Variants in PLEKHG1 observed in about 807,000 individuals in gnomAD.
PLEKHG1 encodes pleckstrin homology and RhoGEF domain containing G1, also known as pleckstrin homology domain-containing family G member 1.
A neutral mutation model predicts 100.8 loss-of-function variants in PLEKHG1; 44 were observed. The observed-to-expected ratio is 0.44, with a 90% CI of 0.34 to 0.56. The LOEUF (loss-of-function observed/expected upper bound fraction) is 0.56, where lower values mean the gene tolerates loss of function less well. Among genes scored for constraint, PLEKHG1 ranks in the 20% least tolerant of loss-of-function variants. The pLI, the probability that PLEKHG1 is intolerant of heterozygous loss-of-function variation, is 0.01. For synonymous variants in PLEKHG1, 640 were observed against 662.5 expected (o/e 0.97, Z 0.52); for missense variants, 1,545 against 1,720.9 (o/e 0.90, Z 1.81).
chr6:150,662,393 A>G (rs185959285), intron 3 of PLEKHG1: 1 of 152,330 alleles, frequency 6.6e-6, no homozygotes, highest in Admixed American at 6.5e-5. Flanking sequence ...GTGTTTTGGA[A>G]CAAGCTCCAT....
chr6:150,730,700 C>T (rs188855823), intron 1 of PLEKHG1, among the ~76,000 whole-genome samples: 1,566 of 152,088 alleles, frequency 0.01, 31 homozygotes, highest in African/African-American at 0.035. Context: ...GTCAGGAGTT[C>T]GAGACCAGCC....
intron 5 of PLEKHG1, among the ~76,000 whole-genome samples, chr6:150,798,456 T>C (rs1786487839): frequency 6.6e-6 from 1 of 152,198 alleles, no homozygotes; most frequent in African/African-American, 2.4e-5. Flanking sequence ...AACAGCTTCT[T>C]TATATGGCAG....
chr6:150,626,890 C>T (rs1303532841), intron 1 of PLEKHG1, among the ~76,000 whole-genome samples: 2 of 152,096 alleles, frequency 1.3e-5, no homozygotes, highest in Non-Finnish European at 2.9e-5. Flanking sequence ...AAACTATAAC[C>T]TGAAGTTAAA....
At chr6:150,755,126 G>A (rs1024645358) in intron 2 of PLEKHG1, among the ~76,000 whole-genome samples, 4 of 152,068 alleles carry the variant, frequency 2.6e-5, no homozygotes, top group Non-Finnish European at 5.9e-5. Context: ...CAGATACATG[G>A]CACCACGCCT....
chr6:150,607,713 T>C (rs1002537478), intron 1 of PLEKHG1, among the ~76,000 whole-genome samples: 1 of 152,212 alleles, frequency 6.6e-6, no homozygotes, highest in Non-Finnish European at 1.5e-5. Context: ...AAGCGTTTCC[T>C]TACATTATGC....
chr6:150,722,077 T>C (rs1781706137), intron 1 of PLEKHG1, among the ~76,000 whole-genome samples: 1 of 152,108 alleles, frequency 6.6e-6, no homozygotes, highest in Admixed American at 6.5e-5. Context: ...AAACCGATGT[T>C]AACATTTTAT....
chr6:150,629,079 G>A (rs1352976), intron 1 of PLEKHG1, among the ~76,000 whole-genome samples: 83,025 of 152,026 alleles, frequency 0.55, 24,063 homozygotes, highest in Admixed American at 0.69. Flanking sequence ...GGTAGGATTC[G>A]CCAGCAGCAG....
chr6:150,732,798 G>T (rs115947219), intron 1 of PLEKHG1, among the ~76,000 whole-genome samples: 1 of 152,136 alleles, frequency 6.6e-6, no homozygotes, highest in Non-Finnish European at 1.5e-5. Context: ...TGTTGGCCAG[G>T]CTTGTCTCAA....
Position 150,831,081 on chromosome 6 carries a change from T to G in PLEKHG1, c.1970T>G (p.Ile657Arg), listed in dbSNP as rs1429149094. 6.2e-7 allele frequency: 1 copy of G among 1,614,080 alleles called. No individual in the cohort carries two copies. Among genetic ancestry groups the G allele is most frequent in the Non-Finnish European group, 8.5e-7 (1 of 1,179,994 alleles). ...TCCATAGAGTTGACTATTGATGACA[T>G]AGACCATGTCTATGATAACATCAGT... The change falls in exon 15 of 16, where the codon ATA becomes AGA. Residue 657 changes from isoleucine (I) to arginine (R), a missense_variant. Coordinates refer to ENST00000358517, the Ensembl canonical transcript of PLEKHG1. This position sits in a 1 kb window ranked among gnomAD's most constrained non-coding sequence, Gnocchi z 4.1.
At chr6:150,623,842 A>T (rs1366054148) in intron 1 of PLEKHG1, among the ~76,000 whole-genome samples, 2 of 152,184 alleles carry the variant, frequency 1.3e-5, no homozygotes, top group African/African-American at 4.8e-5. Flanking sequence ...GTCACTGTGC[A>T]TGTGTATGTA....
At chr6:150,722,301 C>T (rs1583002954) in intron 1 of PLEKHG1, among the ~76,000 whole-genome samples, 1 of 149,254 alleles carries the variant, frequency 6.7e-6, no homozygotes, top group South Asian at 2.1e-4. Flanking sequence ...ATCTCTGTTA[C>T]TAGTCACTTT....
At chr6:150,739,531 G>A (rs772699516) in intron 2 of PLEKHG1, among the ~76,000 whole-genome samples, 5 of 152,036 alleles carry the variant, frequency 3.3e-5, no homozygotes, top group Non-Finnish European at 4.4e-5. Flanking sequence ...AGCTGGGTAT[G>A]GTGGTGCATG....
At chr6:150,673,884 CA>C (rs1269991855) in intron 3 of PLEKHG1, among the ~76,000 whole-genome samples, 1 of 152,130 alleles carries the variant, frequency 6.6e-6, no homozygotes. Context: ...GGGCTGGTCT[CA>C]AACTCCTGGG....
chr6:150,808,468 G>A (rs1420447404), intron 7 of PLEKHG1, among the ~76,000 whole-genome samples: 4 of 152,036 alleles, frequency 2.6e-5, no homozygotes, highest in Non-Finnish European at 4.4e-5. Context: ...CAAGGGAAGG[G>A]GCCGGGTGCG....
At chr6:150,692,971 T>C (rs1223135568) in intron 3 of PLEKHG1, among the ~76,000 whole-genome samples, 1 of 152,180 alleles carries the variant, frequency 6.6e-6, no homozygotes, top group Non-Finnish European at 1.5e-5. Flanking sequence ...TCCATATGGC[T>C]GAAGTTCCAG....
At chr6:150,818,356 C>G in intron 11 of PLEKHG1, 140 bp downstream of exon 12, 1 of 681,752 alleles carries the variant, frequency 1.5e-6, no homozygotes, top group Non-Finnish European at 2.6e-6. Flanking sequence ...ATTGGGTAGA[C>G]AGTATAATCC....
intron 1 of PLEKHG1, among the ~76,000 whole-genome samples, chr6:150,615,733 G>A (rs80023228): frequency 2.6e-4 from 39 of 152,304 alleles, no homozygotes; most frequent in African/African-American, 7.7e-4. Flanking sequence ...TGAGGACAAC[G>A]AGGGCAATGG....
At chr6:150,602,117 T>G (rs1409468388) in intron 1 of PLEKHG1, among the ~76,000 whole-genome samples, 1 of 152,254 alleles carries the variant, frequency 6.6e-6, no homozygotes, top group Non-Finnish European at 1.5e-5. Context: ...GTTCATAGTC[T>G]GTCCCATAAA....
chr6:150,739,015 T>C (rs1562477226), intron 2 of PLEKHG1, among the ~76,000 whole-genome samples: 1 of 152,180 alleles, frequency 6.6e-6, no homozygotes, highest in Non-Finnish European at 1.5e-5. Context: ...GGGCACGGGC[T>C]GTCAGGGGTA....
Sources: allele counts gnomAD v4.1 joint callset (sites outside exome capture counted in the v4.1 genomes callset), GRCh38; gene constraint gnomAD v4.1.1; non-coding constraint Gnocchi (gnomAD v3.1); transcripts MANE v1.5; gene names NCBI Gene and HGNC (gene_info 2026-07-23, HGNC 2026-07-21).